Variants in FBXL2 observed in about 807,000 individuals in gnomAD.
FBXL2 encodes F-box/LRR-repeat protein 2.
In FBXL2, 38 loss-of-function variants were observed where a neutral mutation model predicts 69.2. The ratio of observed to expected loss-of-function variants is 0.55; its 90% confidence interval spans 0.42 to 0.72. FBXL2 has a LOEUF of 0.72. Among genes scored for constraint, FBXL2 ranks in the 30% least tolerant of loss-of-function variants. The pLI, the probability that FBXL2 is intolerant of heterozygous loss-of-function variation, is 0.00. For synonymous variants in FBXL2, 192 were observed against 201.3 expected (o/e 0.95, Z 0.39); for missense variants, 354 against 520.3 (o/e 0.68, Z 3.11).
the FBXL2 span, among the ~76,000 whole-genome samples, chr3:33,417,086 T>A: frequency 3.3e-5 from 5 of 152,252 alleles, no homozygotes; most frequent in Admixed American, 3.3e-4. Context: ...ACTAAACTTT[T>A]ATTATGCTTG....
chr3:33,334,665 C>G (rs557565246), intron 2 of FBXL2, among the ~76,000 whole-genome samples: 1 of 152,250 alleles, frequency 6.6e-6, no homozygotes, highest in South Asian at 2.1e-4. Flanking sequence ...AATCTGATGA[C>G]AGACAACCCA....
chr3:33,320,414 TG>T (rs755699137), intron 2 of FBXL2, among the ~76,000 whole-genome samples: 25 of 151,500 alleles, frequency 1.7e-4, no homozygotes, highest in Non-Finnish European at 3.5e-4. Flanking sequence ...AAAACTTGCA[TG>T]TGAAAGGAAA....
intron 12 of FBXL2, chr3:33,402,961 T>C: frequency 6.9e-7 from 1 of 1,445,352 alleles, no homozygotes; most frequent in Non-Finnish European, 9.5e-7. Flanking sequence ...GTGGAAGAAA[T>C]ATTTTTGTAA....
At chr3:33,398,941 A>G (rs1559670619) in intron 12 of FBXL2, among the ~76,000 whole-genome samples, 1 of 152,254 alleles carries the variant, frequency 6.6e-6, no homozygotes, top group Non-Finnish European at 1.5e-5. Context: ...TGTAGTCCCC[A>G]GCTAGCAAAT....
chr3:33,381,146 G>T (rs2043026845), intron 13 of FBXL2, among the ~76,000 whole-genome samples: 1 of 152,124 alleles, frequency 6.6e-6, no homozygotes. Flanking sequence ...AAATTTCTAT[G>T]AATACTTGAA....
At chr3:33,302,908 A>G (rs186722959) in intron 2 of FBXL2, among the ~76,000 whole-genome samples, 14 of 152,050 alleles carry the variant, frequency 9.2e-5, no homozygotes, top group Non-Finnish European at 1.6e-4. Context: ...TCCTTTTCTT[A>G]AATTTGTAAG....
chr3:33,360,918 C>CTTTTTTT lies in FBXL2; in HGVS notation c.195+1586_195+1592dup, dbSNP rs58912118. ...ACTTTTTTGGAAAGCACATGAAGAA[C>CTTTTTTT]TTTTTTTTTTTTTTTTTTTTTTTTT... On this transcript the variant is annotated intron_variant, in intron 4 of 14. Coordinates refer to ENST00000484457, the MANE Select transcript of FBXL2 (RefSeq NM_012157.5). 3.7e-4 allele frequency among the ~76,000 whole-genome samples: 21 copies of CTTTTTTT among 57,130 alleles called. 2 individuals are homozygous for CTTTTTTT. Among genetic ancestry groups the CTTTTTTT allele is most frequent in the African/African-American group, 8.9e-4 (16 of 17,958 alleles). The allele number at this position is 57,130 out of a possible 152,430, so 37.5% of individuals were successfully genotyped here.
rs1373391669 is a variant in FBXL2, at chr3:33,386,399, A to C, written c.*791A>C. 1.3e-5 allele frequency: 2 copies of C among 152,176 alleles called. No individual in the cohort carries two copies. The highest frequency in any genetic ancestry group is 2.9e-5 in the Non-Finnish European group (2 of 68,034). The allele number at this position is 152,176 out of a possible 1,614,324, so 9.4% of individuals were successfully genotyped here. On this transcript the variant is annotated 3_prime_UTR_variant, in exon 15 of 15. Coordinates refer to ENST00000484457, the MANE Select transcript of FBXL2 (RefSeq NM_012157.5). ...CCATGCCTCTCGTAAAACTGGGGGG[A>C]ACCTTAAAGAGAAAGAACTAAGGCT...
At chr3:33,350,040 C>T (rs557974000) in intron 2 of FBXL2, among the ~76,000 whole-genome samples, 73 of 152,248 alleles carry the variant, frequency 4.8e-4, no homozygotes, top group African/African-American at 1.7e-3. Flanking sequence ...CTAACTCATT[C>T]TGGGTGCCCA....
intron 12 of FBXL2, among the ~76,000 whole-genome samples, chr3:33,401,244 T>C (rs748473443): frequency 6.6e-6 from 1 of 152,206 alleles, no homozygotes; most frequent in Non-Finnish European, 1.5e-5. Context: ...CTTCTTCATC[T>C]GTACTAGTAA....
intron 1 of FBXL2, among the ~76,000 whole-genome samples, chr3:33,279,713 C>T (rs965084994): frequency 6.6e-6 from 1 of 152,016 alleles, no homozygotes; most frequent in African/African-American, 2.4e-5. Flanking sequence ...TATTTCTACT[C>T]TATAATAATA....
At chr3:33,414,186 T>C in the FBXL2 span, 5 of 151,928 alleles carry the variant, frequency 3.3e-5, no homozygotes, top group African/African-American at 4.8e-5. Flanking sequence ...TCTAGCAGGT[T>C]TTCCAGTTTC....
At chr3:33,403,905 C>A (rs1238900868), downstream of FBXL2, among the ~76,000 whole-genome samples, 2 of 152,184 alleles carry the variant, frequency 1.3e-5, no homozygotes, top group Admixed American at 6.5e-5. Context: ...ATCCTTCTCT[C>A]ATTTTACACA....
intron 12 of FBXL2, among the ~76,000 whole-genome samples, chr3:33,401,609 G>A (rs1348930823): frequency 6.6e-6 from 1 of 152,160 alleles, no homozygotes. Context: ...CTTGAGCACC[G>A]ACTCCTTTCT....
At chr3:33,395,057 C>A (rs2043921821) in intron 12 of FBXL2, among the ~76,000 whole-genome samples, 1 of 152,098 alleles carries the variant, frequency 6.6e-6, no homozygotes, top group East Asian at 1.9e-4. Context: ...TGAGAATACA[C>A]CTTCCAAAAT....
At chr3:33,402,480 C>CCT (rs1449793029) in intron 12 of FBXL2, among the ~76,000 whole-genome samples, 2 of 152,002 alleles carry the variant, frequency 1.3e-5, no homozygotes, top group African/African-American at 4.8e-5. Flanking sequence ...TCACTTTGTC[C>CCT]CTCTCTCTCT....
intron 2 of FBXL2, 105 bp downstream of exon 2, chr3:33,297,830 C>A: frequency 1.3e-6 from 1 of 747,328 alleles, no homozygotes; most frequent in Non-Finnish European, 2.4e-6. Context: ...GAAAAACAGA[C>A]AGAATTAGCC....
chr3:33,311,241 G>A (rs1444129453), intron 2 of FBXL2, among the ~76,000 whole-genome samples: 7 of 152,136 alleles, frequency 4.6e-5, no homozygotes, highest in Non-Finnish European at 1.0e-4. Flanking sequence ...GTGTTTTGGT[G>A]TAGTCTTATT....
At chr3:33,394,655 A>G (rs994023181) in intron 12 of FBXL2, among the ~76,000 whole-genome samples, 3 of 152,156 alleles carry the variant, frequency 2.0e-5, no homozygotes, top group African/African-American at 7.2e-5. Flanking sequence ...ATCATTACTG[A>G]GAACTTTGCT....
Sources: gnomAD v4.1 joint callset for allele counts (sites outside exome capture counted in the v4.1 genomes callset) on GRCh38, gnomAD v4.1.1 for gene constraint, MANE v1.5 for transcripts, NCBI Gene and HGNC (gene_info 2026-07-23, HGNC 2026-07-21) for gene names.